CSTA: variants seen among roughly 807,000 people sequenced by gnomAD.
CSTA encodes the protein cystatin A.
In CSTA, 9 loss-of-function variants were observed where a neutral mutation model predicts 9.2. The observed-to-expected ratio is 0.97, with a 90% CI of 0.59 to 1.70. CSTA has a LOEUF of 1.70. CSTA is among the 40% of genes most tolerant of loss of function. CSTA has a pLI of 0.00. For synonymous variants in CSTA, 36 were observed against 40.6 expected (o/e 0.89, Z 0.43); for missense variants, 118 against 113.1 (o/e 1.04, Z -0.20).
At chr3:122,325,448 C>A (rs1384982979) in intron 1 of CSTA, 90 bp downstream of exon 1, 1 of 1,285,260 alleles carries the variant, frequency 7.8e-7, no homozygotes. Flanking sequence ...ACATGAAAAC[C>A]AGAAGTTTAG....
chr3:122,337,995 A>G, intron 2 of CSTA: 2 of 228,182 alleles, frequency 8.8e-6, no homozygotes, highest in Non-Finnish European at 1.8e-5. Flanking sequence ...GCTGGACCAC[A>G]TGGTATCTTG....
In CSTA at chr3:122,333,552, A is replaced by AAAG. The variant is rs773354563; in HGVS notation, c.67-3992_67-3990dup. ...GAAAGAAAAGAAAGAAGAAAGAAAG[A>AAAG]AAGAAAGAAAGAAAGAAAGAAAGAA... On this transcript the variant is annotated intron_variant, in intron 1 of 2. Transcript: ENST00000264474. 3.7e-3 allele frequency among the ~76,000 whole-genome samples: 391 copies of AAAG among 106,832 alleles called. 2 individuals are homozygous for AAAG. The highest frequency in any genetic ancestry group is 0.015 in the East Asian group (69 of 4,468). 70.1% of individuals were successfully genotyped at this position (106,832 alleles called of 152,430 possible).
chr3:122,341,370 C>A, intron 2 of CSTA, 69 bp from the exon 3 acceptor site: 2 of 1,543,500 alleles, frequency 1.3e-6, no homozygotes, highest in Non-Finnish European at 1.8e-6. Context: ...AGACCTGTGG[C>A]TCTCTCACTT....
chr3:122,337,751 C>A, intron 2 of CSTA, 103 bp downstream of exon 2: 1 of 881,536 alleles, frequency 1.1e-6, no homozygotes, highest in Non-Finnish European at 1.9e-6. Context: ...TACGGTTGTC[C>A]TAAATTAAGA....
chr3:122,332,249 C>T (rs988379276), intron 1 of CSTA, among the ~76,000 whole-genome samples: 3 of 152,158 alleles, frequency 2.0e-5, no homozygotes, highest in Admixed American at 6.6e-5. Flanking sequence ...AGACTCTATT[C>T]TCCTCTCTTC....
rs34247215 is a variant in CSTA, at chr3:122,328,499, C to CAAA, written c.66+3159_66+3161dup. On this transcript the variant is annotated intron_variant, in intron 1 of 2. Transcript: ENST00000264474. ...TGGGCCACAGAACAAGATTCCATCTCAAAAAAAAAAAAAAAAAAAAGAGTC... is the reference window on the plus strand; with the variant it reads ...TGGGCCACAGAACAAGATTCCATCTCAAAAAAAAAAAAAAAAAAAAAAAGAGTC... Among the ~76,000 whole-genome samples the CAAA allele has an allele frequency of 9.8e-4, 84 of 85,822 alleles. 2 individuals carry two copies. The highest frequency in any genetic ancestry group is 8.5e-3 in the Middle Eastern group (1 of 118). The allele number at this position is 85,822 out of a possible 152,430, so 56.3% of individuals were successfully genotyped here. A position where few individuals can be genotyped will look rare whatever the true frequency, so the allele number is the denominator to read the frequency against.
intron 1 of CSTA, among the ~76,000 whole-genome samples, chr3:122,333,367 T>C (rs996619201): frequency 1.3e-5 from 2 of 151,832 alleles, no homozygotes; most frequent in African/African-American, 4.8e-5. Flanking sequence ...AAAAATTAGC[T>C]GGGAGTGGTG....
chr3:122,333,564 A>AAAGAAAGG (rs2075217716), intron 1 of CSTA, among the ~76,000 whole-genome samples: 1 of 148,634 alleles, frequency 6.7e-6, no homozygotes. Context: ...AGAAAGAAAG[A>AAAGAAAGG]AAGAAAGAAA....
chr3:122,329,988 T>C (rs748069607), intron 1 of CSTA, among the ~76,000 whole-genome samples: 1 of 152,152 alleles, frequency 6.6e-6, no homozygotes, highest in Non-Finnish European at 1.5e-5. Flanking sequence ...AGAGGAAGAG[T>C]TGGAAAACTC....
In CSTA at chr3:122,341,627, G is replaced by A; in HGVS notation, c.*60G>A. 1.9e-6 allele frequency: 3 copies of A among 1,590,736 alleles called. No individual in the cohort carries two copies. The highest frequency in any genetic ancestry group is 2.6e-6 in the Non-Finnish European group (3 of 1,159,882). On this transcript the variant is annotated 3_prime_UTR_variant, in exon 3 of 3. Coordinates refer to ENST00000264474, the MANE Select transcript of CSTA (RefSeq NM_005213.4). ...TGGCTACTGAGTCATGATCCTTGCT[G>A]ATAAATATAACCATCAATAAAGAAG...
intron 2 of CSTA, among the ~76,000 whole-genome samples, chr3:122,341,200 C>T (rs2075263565): frequency 6.6e-6 from 1 of 152,162 alleles, no homozygotes; most frequent in Non-Finnish European, 1.5e-5. Context: ...CTCAGCCTCC[C>T]AAAGTGCTAG....
intron 1 of CSTA, 61 bp from the exon 2 acceptor site, chr3:122,337,486 C>T: frequency 9.1e-7 from 1 of 1,101,116 alleles, no homozygotes; most frequent in Non-Finnish European, 1.4e-6. Flanking sequence ...CAGATGGGTA[C>T]ATTGCATACA....
chr3:122,327,249 G>T (rs1292869618), intron 1 of CSTA, among the ~76,000 whole-genome samples: 4 of 150,408 alleles, frequency 2.7e-5, no homozygotes, highest in African/African-American at 7.3e-5. Flanking sequence ...AAAAAAAAGG[G>T]CCAGGCGCAG....
intron 2 of CSTA, 94 bp downstream of exon 2, chr3:122,337,742 A>C (rs974948729): frequency 1.1e-5 from 10 of 917,702 alleles, no homozygotes; most frequent in Non-Finnish European, 1.6e-5. Context: ...TTCCTTCCTT[A>C]CGGTTGTCCT....
At position 122,334,269 on chromosome 3, in the gene CSTA, T is replaced by A. The variant is rs1423605213; in HGVS notation, c.67-3278T>A. Among the ~76,000 whole-genome samples, 4 of 152,176 alleles carry A rather than the reference T, an allele frequency of 2.6e-5. No homozygotes were observed. The East Asian group carries it at 7.7e-4, about 29-fold the overall frequency. ...AACTGAGTGGTGGTCCGTGGAGTGTTTGGCCTTTCAGAAATGGTCTGAGAA... is the reference window on the plus strand; with the variant it reads ...AACTGAGTGGTGGTCCGTGGAGTGTATGGCCTTTCAGAAATGGTCTGAGAA... On this transcript the variant is annotated intron_variant, in intron 1 of 2. Transcript: ENST00000264474.
intron 1 of CSTA, among the ~76,000 whole-genome samples, chr3:122,334,167 T>G (rs1440486655): frequency 6.6e-6 from 1 of 152,226 alleles, no homozygotes; most frequent in African/African-American, 2.4e-5. Context: ...GTCTTCTCCC[T>G]TTCTCCACTT....
chr3:122,341,567 G>A lies in CSTA; in HGVS notation c.297G>A (p.Ter99=). Residue 99 remains the stop codon, a stop_retained_variant, in exon 3 of 3, where the codon TAG becomes TAA. Coordinates refer to ENST00000264474, the MANE Select transcript of CSTA (RefSeq NM_005213.4). ...AGGATGACGAGCTGACGGGCTTTTA[G>A]CAGCATGTACCCAAAGTGTTCTGAT... The part of the protein sequence containing the change: ...KNKDDELTGF[*] 6 of 1,614,110 alleles carry A rather than the reference G, an allele frequency of 3.7e-6. No individual in the cohort carries two copies. Among genetic ancestry groups the A allele is most frequent in the Non-Finnish European group, 5.1e-6 (6 of 1,180,002 alleles).
chr3:122,338,628 C>T (rs2075248831), intron 2 of CSTA, among the ~76,000 whole-genome samples: 1 of 152,010 alleles, frequency 6.6e-6, no homozygotes, highest in Non-Finnish European at 1.5e-5. Flanking sequence ...ACGACCAGGT[C>T]CCGGGGAGAC....
chr3:122,332,386 C>A (rs898376061), intron 1 of CSTA, among the ~76,000 whole-genome samples: 1 of 152,170 alleles, frequency 6.6e-6, no homozygotes, highest in Admixed American at 6.5e-5. Context: ...CTTACTGGCC[C>A]TACTGTCCTT....
Sources: allele counts gnomAD v4.1 joint callset (sites outside exome capture counted in the v4.1 genomes callset), GRCh38; gene constraint gnomAD v4.1.1; transcripts MANE v1.5; gene names NCBI Gene and HGNC (gene_info 2026-07-23, HGNC 2026-07-21).